Variants in RIOX2 observed in about 807,000 individuals in gnomAD.
The protein encoded by RIOX2 is ribosomal oxygenase 2, also known as 60S ribosomal protein L27a histidine hydroxylase.
RIOX2 carries 43 observed loss-of-function variants against 51.2 expected under a neutral mutation model. The ratio of observed to expected loss-of-function variants is 0.84; its 90% CI spans 0.66 to 1.08. RIOX2 has a LOEUF of 1.08. Ranked by LOEUF, RIOX2 falls within the 50% of genes least tolerant of loss-of-function variation. RIOX2 has a pLI of 0.00. For synonymous variants in RIOX2, 226 were observed against 218.5 expected (o/e 1.03, Z -0.30); for missense variants, 566 against 561.7 (o/e 1.01, Z -0.08).
Position 97,945,260 on chromosome 3 carries a change from AG to A in RIOX2, c.1321del (p.Leu441Ter), listed in dbSNP as rs764051761. ...WNSPAISVKD[L>X]KLTTDEEKES... ...CTTTTCCTCATCTGTAGTAAGTTTC[AG>A]GTCCTTGACAGAAATAGCTGGACTA... On this transcript the variant is annotated frameshift_variant, in exon 10 of 10. Coordinates refer to ENST00000394198, the MANE Select transcript of RIOX2 (RefSeq NM_153182.4). LOFTEE classifies it high-confidence loss of function. 11 of 1,612,740 alleles carry A rather than the reference AG, an allele frequency of 6.8e-6. No individual in the cohort carries two copies. In the East Asian group the frequency reaches 2.2e-4, roughly 33 times the overall value.
chr3:97,955,780 G>A (rs1705429397), intron 4 of RIOX2, among the ~76,000 whole-genome samples: 1 of 152,092 alleles, frequency 6.6e-6, no homozygotes, highest in Admixed American at 6.5e-5. Context: ...AAACATCAGT[G>A]TACTTACAAA....
intron 5 of RIOX2, chr3:97,953,997 C>T: frequency 5.9e-6 from 1 of 168,448 alleles, no homozygotes; most frequent in Non-Finnish European, 1.3e-5. Context: ...TAATTAATGT[C>T]AAACTATGCT....
chr3:97,952,164 C>T (rs1307234452), intron 5 of RIOX2: 1 of 1,289,266 alleles, frequency 7.8e-7, no homozygotes, highest in Non-Finnish European at 1.0e-6. Context: ...TTACATGGTA[C>T]CTGAAGGAGC....
chr3:97,954,131 TC>T (rs1231148984), intron 5 of RIOX2: 14 of 406,392 alleles, frequency 3.4e-5, no homozygotes, highest in African/African-American at 2.6e-4. Flanking sequence ...CTAGTCTCTT[TC>T]TTTCCAAACT....
At chr3:97,951,447 G>C (rs1439828831) in intron 5 of RIOX2, among the ~76,000 whole-genome samples, 1 of 152,170 alleles carries the variant, frequency 6.6e-6, no homozygotes, top group Non-Finnish European at 1.5e-5. Context: ...ATGTCTAGCA[G>C]TGGTTTTACC....
rs1250327264 is a variant in RIOX2, at chr3:97,942,437, G to A, written c.*2747C>T. ...TCTCAGTGATCAACTTGTCCTTGATGTTAAAGGTGGGCCTTTGATGATACC... is the reference window on the plus strand; with the variant it reads ...TCTCAGTGATCAACTTGTCCTTGATATTAAAGGTGGGCCTTTGATGATACC... On this transcript the variant is annotated 3_prime_UTR_variant, in exon 10 of 10. Coordinates refer to ENST00000394198, the MANE Select transcript of RIOX2 (RefSeq NM_153182.4). 1.2e-6 allele frequency: 2 copies of A among 1,608,594 alleles called. No individual in the cohort carries two copies. Among genetic ancestry groups the A allele is most frequent in the African/African-American group, 1.3e-5 (1 of 74,768 alleles).
intron 3 of RIOX2, among the ~76,000 whole-genome samples, chr3:97,960,630 C>A (rs1463722200): frequency 6.6e-6 from 1 of 152,152 alleles, no homozygotes; most frequent in Non-Finnish European, 1.5e-5. Context: ...CATGTCATTC[C>A]ACAGTTAAAC....
At chr3:97,955,744 C>T (rs927733006) in intron 4 of RIOX2, among the ~76,000 whole-genome samples, 1 of 152,082 alleles carries the variant, frequency 6.6e-6, no homozygotes, top group Non-Finnish European at 1.5e-5. Flanking sequence ...GGGTTATGTT[C>T]TGAGAAAAGT....
chr3:97,961,858 C>A, intron 2 of RIOX2, 150 bp from the exon 3 acceptor site: 1 of 852,624 alleles, frequency 1.2e-6, no homozygotes, highest in Non-Finnish European at 1.7e-6. Context: ...ATGATACAGC[C>A]AATACCCATG....
intron 6 of RIOX2, among the ~76,000 whole-genome samples, chr3:97,950,434 T>C (rs1705198574): frequency 6.6e-6 from 1 of 152,202 alleles, no homozygotes; most frequent in African/African-American, 2.4e-5. Flanking sequence ...GGCCAACGAA[T>C]ACACCGAGGC....
chr3:97,943,008 A>G lies in RIOX2; in HGVS notation c.*2176T>C. The G allele has an allele frequency of 1.9e-6, 1 of 522,396 alleles. No individual in the cohort carries two copies. The highest frequency in any genetic ancestry group is 2.4e-5 in the South Asian group (1 of 42,192). The allele number at this position is 522,396 out of a possible 1,614,324, so 32.4% of individuals were successfully genotyped here. On this transcript the variant is annotated 3_prime_UTR_variant, in exon 10 of 10. Transcript: ENST00000394198. The stretch of plus-strand genomic sequence containing the variant: ...AGGCACGCCACTTATACAATCATGT[A>G]TTATACCTTTTAGTATTTCAATTTG...
At position 97,942,312 on chromosome 3, in the gene RIOX2, G is replaced by A. The variant is rs372129129; in HGVS notation, c.*2872C>T. On this transcript the variant is annotated 3_prime_UTR_variant, in exon 10 of 10. Coordinates refer to ENST00000394198, the MANE Select transcript of RIOX2 (RefSeq NM_153182.4). ...AGTGATACATGTCTTGATGTGATTGGTGGCCGGGACACACCTGGAGCTAAA... is the reference window on the plus strand; with the variant it reads ...AGTGATACATGTCTTGATGTGATTGATGGCCGGGACACACCTGGAGCTAAA... 8 of 1,610,282 alleles carry A rather than the reference G, an allele frequency of 5.0e-6. No individual in the cohort carries two copies. Among genetic ancestry groups the A allele is most frequent in the Non-Finnish European group, 6.8e-6 (8 of 1,177,822 alleles).
rs768551731 is a variant in RIOX2 at position 97,950,904 on chromosome 3, A to AG, written c.786-17dup. The stretch of plus-strand genomic sequence containing the variant: ...TCCCCATGAACTAGGATATGCACCA[A>AG]GGGGGAAAAAAAAACCAAAACAGTG... On this transcript the variant is annotated splice_polypyrimidine_tract_variant and intron_variant, in intron 5 of 9. Coordinates refer to ENST00000394198, the MANE Select transcript of RIOX2 (RefSeq NM_153182.4). The AG allele has an allele frequency of 6.3e-6, 10 of 1,591,194 alleles. No homozygotes were observed. The highest frequency in any genetic ancestry group is 5.4e-5 in the African/African-American group (4 of 74,374).
Position 97,967,166 on chromosome 3 carries a change from A to C in RIOX2, c.428T>G (p.Phe143Cys). ...ATIQFHQPQR[F>C]KDELWRIQEK... Reference sequence around the variant, plus strand: ...TGCAATGGGGAAACTGGTTACCTTAAATCTCTGAGGTTGGTGAAACTGAAT... The same window carrying C: ...TGCAATGGGGAAACTGGTTACCTTACATCTCTGAGGTTGGTGAAACTGAAT... Residue 143 changes from phenylalanine (F) to cysteine (C), a missense_variant, in exon 2 of 10, where the codon TTT becomes TGT. Coordinates refer to ENST00000394198, the MANE Select transcript of RIOX2 (RefSeq NM_153182.4). The C allele has an allele frequency of 6.2e-7, 1 of 1,612,712 alleles. No homozygotes were observed. Among genetic ancestry groups the C allele is most frequent in the African/African-American group, 1.3e-5 (1 of 74,936 alleles).
chr3:97,969,075 A>G (rs769300594), intron 1 of RIOX2, among the ~76,000 whole-genome samples: 1 of 152,212 alleles, frequency 6.6e-6, no homozygotes, highest in Non-Finnish European at 1.5e-5. Flanking sequence ...TAAACTGAAC[A>G]AATTAAGAAA....
At chr3:97,962,094 G>A (rs1705700852) in intron 2 of RIOX2, among the ~76,000 whole-genome samples, 2 of 152,168 alleles carry the variant, frequency 1.3e-5, no homozygotes, top group African/African-American at 4.8e-5. Context: ...TCAGGCAGCA[G>A]CTCAAGCGAG....
At chr3:97,948,938 C>T (rs1023764612) in intron 7 of RIOX2, among the ~76,000 whole-genome samples, 4 of 152,148 alleles carry the variant, frequency 2.6e-5, no homozygotes, top group African/African-American at 9.7e-5. Flanking sequence ...TCAATGACAT[C>T]ATCCATCCAA....
In RIOX2 at chr3:97,943,290, G is replaced by A; in HGVS notation, c.*1894C>T. 6.3e-7 allele frequency: 1 copy of A among 1,583,436 alleles called. No individual in the cohort carries two copies. Among genetic ancestry groups the A allele is most frequent in the Non-Finnish European group, 8.7e-7 (1 of 1,153,784 alleles). On this transcript the variant is annotated 3_prime_UTR_variant, in exon 10 of 10. Transcript: ENST00000394198. ...AGCCCCTGGAGGGAGAAGAAACACA[G>A]AAATGGGACATTGAAATATTGTGAG...
chr3:97,945,560 C>T (rs1400342425), intron 9 of RIOX2: 1 of 608,502 alleles, frequency 1.6e-6, no homozygotes. Flanking sequence ...AAATGTTTTA[C>T]ATTATACCAT....
Sources: gnomAD v4.1 joint callset for allele counts (sites outside exome capture counted in the v4.1 genomes callset) on GRCh38, gnomAD v4.1.1 for gene constraint, MANE v1.5 for transcripts, NCBI Gene and HGNC (gene_info 2026-07-23, HGNC 2026-07-21) for gene names.